The following STAB1 variants were observed in gnomAD, a reference collection of about 807,000 sequenced individuals.
The protein encoded by STAB1 is stabilin-1.
STAB1 carries 250 observed loss-of-function variants against 332.4 expected under a neutral mutation model. The observed-to-expected ratio is 0.75, with a 90% CI of 0.68 to 0.84. The LOEUF is 0.84. Ranked by LOEUF, STAB1 falls within the 40% of genes least tolerant of loss-of-function variation. STAB1 has a pLI of 0.00. For missense variants in STAB1, 3,249 were observed against 3,489.7 expected (o/e 0.93, Z 1.74); for synonymous variants, 1,475 against 1,390.4 (o/e 1.06, Z -1.35).
chr3:52,510,791 G>C (rs560908644), intron 25 of STAB1, among the ~76,000 whole-genome samples: 1 of 152,352 alleles, frequency 6.6e-6, no homozygotes, highest in African/African-American at 2.4e-5. Context: ...GCCCGTGGGA[G>C]TGACCTCCCC....
At chr3:52,518,683 G>T in intron 47 of STAB1, 40 bp from the exon 48 acceptor site, 1 of 1,611,890 alleles carries the variant, frequency 6.2e-7, no homozygotes, top group Non-Finnish European at 8.5e-7. Flanking sequence ...GGGCTGAGGC[G>T]GCAGTCAGGG....
In STAB1 at chr3:52,501,651, C is replaced by A. The variant is rs1201237889; in HGVS notation, c.229C>A (p.Leu77Met). The A allele has an allele frequency of 4.3e-5, 67 of 1,565,686 alleles. No homozygotes were observed. Among genetic ancestry groups the A allele is most frequent in the Non-Finnish European group, 5.7e-5 (66 of 1,156,014 alleles). Residue 77 changes from leucine (L) to methionine (M), a missense_variant, in exon 3 of 69, where the codon CTG (leucine) becomes ATG (methionine). Coordinates refer to ENST00000321725, the MANE Select transcript of STAB1 (RefSeq NM_015136.3). ...CTCTGCCCCCAGCTACGAAGTACAG[C>A]TGGGGGGCTCTATGGTGTCCATGAG... ...ITQDCRYEVQ[L>M]GGSMVSMSGC...
chr3:52,518,700 C>T (rs756025772), intron 47 of STAB1, 23 bp from the exon 48 acceptor site: 3 of 1,611,918 alleles, frequency 1.9e-6, no homozygotes, highest in South Asian at 1.1e-5. Flanking sequence ...AGGGACCCCA[C>T]TCCCCTCGCG....
intron 1 of STAB1, 66 bp from the exon 2 acceptor site, chr3:52,501,100 C>A: frequency 1.3e-6 from 2 of 1,575,988 alleles, no homozygotes; most frequent in South Asian, 1.1e-5. Context: ...CCTTGCAGCA[C>A]TGAGGACAGG....
Position 52,520,863 on chromosome 3 carries a change from C to T in STAB1, c.5766C>T (p.His1922=). The part of the protein sequence containing the change: ...YPKFWTSPPL[H]SLGLRSVWVH... The stretch of plus-strand genomic sequence containing the variant: ...AGTTCTGGACGTCCCCTCCGCTGCA[C>T]TCTTTGGGATTACGCAGCGTCTGGG... Residue 1922 remains histidine, a synonymous_variant, in exon 55 of 69, where the codon CAC becomes CAT. Transcript: ENST00000321725. The T allele has an allele frequency of 1.9e-6, 3 of 1,612,828 alleles. No homozygotes were observed. Among genetic ancestry groups the T allele is most frequent in the South Asian group, 1.1e-5 (1 of 91,082 alleles).
chr3:52,505,574 A>G, intron 14 of STAB1, 94 bp from the exon 15 acceptor site: 3 of 1,334,662 alleles, frequency 2.2e-6, no homozygotes, highest in Non-Finnish European at 3.1e-6. Flanking sequence ...ACTCAGTGGG[A>G]GTTTCCTGCA....
In STAB1 at chr3:52,514,740, G is replaced by C; in HGVS notation, c.3718G>C (p.Glu1240Gln). The C allele has an allele frequency of 6.2e-7, 1 of 1,613,080 alleles. No individual in the cohort carries two copies. Among genetic ancestry groups the C allele is most frequent in the Non-Finnish European group, 8.5e-7 (1 of 1,180,018 alleles). The change falls in exon 35 of 69, where the codon GAG (glutamate) becomes CAG (glutamine). Residue 1240 changes from glutamate to glutamine, a missense_variant. Physicochemically the swap from Glu to Gln is conservative, Grantham distance 29. Transcript: ENST00000321725. Reference sequence around the variant, plus strand: ...TGTGCCACTGGAAGGCCCCATGCTGGAGGCCCCTGGCCGCTCGCTGATTGG... The same window carrying C: ...TGTGCCACTGGAAGGCCCCATGCTGCAGGCCCCTGGCCGCTCGCTGATTGG... The part of the protein sequence containing the change: ...NHVPLEGPML[E>Q]APGRSLIGLS...
rs756576594 is a variant in STAB1 at position 52,503,885 on chromosome 3, C to A, written c.1005C>A (p.Thr335=). 57 of 1,613,078 alleles carry A rather than the reference C, an allele frequency of 3.5e-5. No individual in the cohort carries two copies. The highest frequency in any genetic ancestry group is 4.7e-5 in the Non-Finnish European group (55 of 1,180,018). Residue 335 remains threonine, a synonymous_variant, in exon 9 of 69, where the codon ACC becomes ACA. Coordinates refer to ENST00000321725, the MANE Select transcript of STAB1 (RefSeq NM_015136.3). ...SCDRSATCQV[T]ADGKTSCVCR... ...ACCGGTCTGCCACTTGCCAGGTGAC[C>A]GCTGATGGGAAGACCAGGTGAGCAC... is the stretch of plus-strand genomic sequence containing the variant.
Position 52,504,128 on chromosome 3 carries a change from C to T in STAB1, c.1123C>T (p.Gln375Ter). The T allele has an allele frequency of 6.3e-7, 1 of 1,591,464 alleles. No homozygotes were observed. The highest frequency in any genetic ancestry group is 8.5e-7 in the Non-Finnish European group (1 of 1,170,318). Reference protein sequence around the residue: ...KATQTGRVFLQLRVAVAMMDQ... With the variant: ...KATQTGRVFL ...CACGCAGACAGGCCGGGTGTTCCTG[C>T]AGCTGAGGGTCGCCGTGGCCATGAT... The change falls in exon 10 of 69, where the codon CAG becomes TAG. Residue 375 changes from glutamine to a stop codon, truncating the protein, a stop_gained. Transcript: ENST00000321725. LOFTEE classifies it high-confidence loss of function.
intron 25 of STAB1, among the ~76,000 whole-genome samples, chr3:52,510,943 A>G (rs191864338): frequency 4.6e-5 from 7 of 152,360 alleles, no homozygotes; most frequent in Admixed American, 4.6e-4. Flanking sequence ...AAGACTGTCT[A>G]ACGCGCCAAG....
chr3:52,520,351 GCTGGAGTGCAC>G, intron 52 of STAB1, 38 bp from the exon 53 acceptor site: 2 of 1,612,850 alleles, frequency 1.2e-6, no homozygotes, highest in Non-Finnish European at 8.5e-7. Flanking sequence ...GGCAGTAGCA[GCTGGAGTGCAC>G]CTGCGACCCT....
At chr3:52,507,313 G>A (rs750874621) in intron 18 of STAB1, among the ~76,000 whole-genome samples, 50 of 152,324 alleles carry the variant, frequency 3.3e-4, no homozygotes, top group South Asian at 1.0e-3. Context: ...CCAAAGTGCT[G>A]GGATTACAGG....
rs772298316 is a variant in STAB1 at position 52,518,804 on chromosome 3, G to T, written c.4969G>T (p.Asp1657Tyr). 1 of 1,611,538 alleles carries T rather than the reference G, an allele frequency of 6.2e-7. No individual in the cohort carries two copies. The highest frequency in any genetic ancestry group is 1.1e-5 in the South Asian group (1 of 91,058). Residue 1657 changes from aspartate to tyrosine, a missense_variant, in exon 48 of 69, where the codon GAC becomes TAC. Transcript: ENST00000321725. ...VVGCRRLRSEDLLEQGYATAL... is the reference protein window; with the variant it reads ...VVGCRRLRSEYLLEQGYATAL... ...TGGCTGTCGGCGGCTGCGGAGCGAG[G>T]ACCTGCTGGAGCAGGGGTACGCCAC...
In STAB1 at chr3:52,510,631, C is replaced by G. The variant is rs1575329354; in HGVS notation, c.2787+124C>G. 9 of 1,244,734 alleles carry G rather than the reference C, an allele frequency of 7.2e-6. No individual in the cohort carries two copies. In the African/African-American group the frequency reaches 9.1e-5, roughly 13 times the overall value. 77.1% of individuals were successfully genotyped at this position (1,244,734 alleles called of 1,614,324 possible). A position where few individuals can be genotyped will look rare whatever the true frequency, so the allele number is the denominator to read the frequency against. ...GGAGCCTCAGGTGCAGATGAGAACC[C>G]AGTGCTGACATGCTGAGTAGTAGCA... On this transcript the variant is annotated intron_variant, in intron 25 of 68. Transcript: ENST00000321725.
chr3:52,512,138 T>C (rs1234808033), intron 26 of STAB1, among the ~76,000 whole-genome samples: 1 of 152,214 alleles, frequency 6.6e-6, no homozygotes, highest in African/African-American at 2.4e-5. Context: ...CCACCTGGCA[T>C]GGGTAATGCT....
chr3:52,505,827 C>T (rs1406145245), intron 15 of STAB1, 46 bp downstream of exon 15: 7 of 1,613,614 alleles, frequency 4.3e-6, no homozygotes, highest in Non-Finnish European at 5.9e-6. Flanking sequence ...GGCACCAGGA[C>T]CTCCACGCTC....
Position 52,516,156 on chromosome 3 carries a change from G to C in STAB1, c.4062G>C (p.Gly1354=), listed in dbSNP as rs751098108. ...GQCQDRFLGS[G]ECHCHEGFHG... is the part of the protein sequence containing the mutation. ...GCCAGGACAGGTTCCTGGGCAGCGG[G>C]GAGTGCCACTGCCACGAGGGCTTCC... is the stretch of plus-strand genomic sequence containing the variant. Residue 1354 remains glycine, a synonymous_variant, in exon 38 of 69, where the codon GGG becomes GGC. Transcript: ENST00000321725. The C allele has an allele frequency of 6.2e-7, 1 of 1,612,256 alleles. No individual in the cohort carries two copies. The highest frequency in any genetic ancestry group is 2.2e-5 in the East Asian group (1 of 44,856).
Position 52,504,991 on chromosome 3 carries a change from G to A in STAB1, c.1378-12G>A. ...CATATGGGATCTGGCCAGACCTCTT[G>A]TGTCTCACCAGAAATACTCCTACAA... On this transcript the variant is annotated splice_polypyrimidine_tract_variant and intron_variant, in intron 12 of 68. Coordinates refer to ENST00000321725, the MANE Select transcript of STAB1 (RefSeq NM_015136.3). The A allele has an allele frequency of 6.2e-7, 1 of 1,613,644 alleles. No homozygotes were observed. Among genetic ancestry groups the A allele is most frequent in the South Asian group, 1.1e-5 (1 of 91,072 alleles).
chr3:52,496,887 C>T (rs767364230), intron 1 of STAB1, among the ~76,000 whole-genome samples: 6 of 152,192 alleles, frequency 3.9e-5, no homozygotes, highest in Non-Finnish European at 7.3e-5. Context: ...CCTGCATAGC[C>T]GAGAGCCACT....
Sources: allele counts gnomAD v4.1 joint callset (sites outside exome capture counted in the v4.1 genomes callset), GRCh38; gene constraint gnomAD v4.1.1; transcripts MANE v1.5; gene names NCBI Gene and HGNC (gene_info 2026-07-23, HGNC 2026-07-21).